ADAMTSL1: variants seen among roughly 807,000 people sequenced by gnomAD.
ADAMTSL1 encodes ADAMTS like 1.
A neutral mutation model predicts 201.8 loss-of-function variants in ADAMTSL1; 126 were observed. The observed-to-expected ratio is 0.62, with a 90% CI of 0.54 to 0.72. The LOEUF (loss-of-function observed/expected upper bound fraction) is 0.72, where lower values mean the gene tolerates loss of function less well. Among genes scored for constraint, ADAMTSL1 ranks in the 30% least tolerant of loss-of-function variants. The probability of loss-of-function intolerance (pLI) is 0.00; values close to 1 mark genes in which losing one functional copy is unlikely to be tolerated. For synonymous variants in ADAMTSL1, 1,121 were observed against 903.4 expected, an observed-to-expected ratio of 1.24 and a Z score of -4.32; for missense variants, 2,679 against 2,277.8, an observed-to-expected ratio of 1.18 and a Z score of -3.59.
chr9:18,113,991 A>T (rs1442155436), intron 1 of ADAMTSL1, among the ~76,000 whole-genome samples: 1 of 152,162 alleles, frequency 6.6e-6, no homozygotes, highest in Non-Finnish European at 1.5e-5. Flanking sequence ...TAAAACACAA[A>T]TGTCATAAAT....
intron 1 of ADAMTSL1, among the ~76,000 whole-genome samples, chr9:18,119,490 C>T (rs889840587): frequency 1.2e-4 from 18 of 151,894 alleles, no homozygotes; most frequent in Admixed American, 3.9e-4. Context: ...TCAGTAGAGA[C>T]GGATTTCACT....
intron 1 of ADAMTSL1, among the ~76,000 whole-genome samples, chr9:17,960,135 G>T (rs1025661175): frequency 6.6e-6 from 1 of 152,082 alleles, no homozygotes; most frequent in Admixed American, 6.6e-5. Context: ...TTCAACACAC[G>T]GTTCCATGTT....
chr9:18,358,218 C>T (rs904385343), intron 2 of ADAMTSL1, among the ~76,000 whole-genome samples: 1 of 152,148 alleles, frequency 6.6e-6, no homozygotes, highest in East Asian at 1.9e-4. Context: ...TAAGGGAGAG[C>T]TTAATGAATG....
At chr9:18,239,239 C>T (rs1403552048) in intron 2 of ADAMTSL1, among the ~76,000 whole-genome samples, 1 of 152,142 alleles carries the variant, frequency 6.6e-6, no homozygotes, top group Non-Finnish European at 1.5e-5. Context: ...TCAGTTTACT[C>T]TCCCTTTTAC....
intron 1 of ADAMTSL1, among the ~76,000 whole-genome samples, chr9:18,074,153 T>G (rs1823090635): frequency 6.6e-6 from 1 of 152,264 alleles, no homozygotes; most frequent in Non-Finnish European, 1.5e-5. Context: ...CTGGTGCAGG[T>G]CTGAGATGCC....
At chr9:18,099,937 T>G (rs114684443) in intron 1 of ADAMTSL1, among the ~76,000 whole-genome samples, 4,252 of 152,210 alleles carry the variant, frequency 0.028, 203 homozygotes, top group African/African-American at 0.097. Context: ...TTTTTCAAAG[T>G]TTCCTCCTTT....
chr9:18,870,242 C>A (rs1408880836), intron 23 of ADAMTSL1, among the ~76,000 whole-genome samples: 1 of 152,170 alleles, frequency 6.6e-6, no homozygotes, highest in Admixed American at 6.6e-5. Context: ...AGCTCTTTTG[C>A]TGAAATATTG....
intron 1 of ADAMTSL1, among the ~76,000 whole-genome samples, chr9:17,968,094 A>C (rs1192540516): frequency 6.6e-6 from 1 of 151,812 alleles, no homozygotes; most frequent in Non-Finnish European, 1.5e-5. Context: ...ATCTTCACTT[A>C]CTCTCTTCCT....
chr9:18,571,460 C>G (rs1822296710), intron 3 of ADAMTSL1, among the ~76,000 whole-genome samples: 1 of 152,168 alleles, frequency 6.6e-6, no homozygotes, highest in African/African-American at 2.4e-5. Context: ...TACTCTACTT[C>G]TTCTGTACTT....
intron 1 of ADAMTSL1, among the ~76,000 whole-genome samples, chr9:17,937,874 A>G (rs894416541): frequency 6.6e-6 from 1 of 152,162 alleles, no homozygotes; most frequent in African/African-American, 2.4e-5. Flanking sequence ...TTTACAATTC[A>G]TGTTTGTTTA....
chr9:18,735,430 G>C (rs530173481), intron 15 of ADAMTSL1, among the ~76,000 whole-genome samples: 5 of 152,246 alleles, frequency 3.3e-5, no homozygotes, highest in African/African-American at 9.6e-5. Flanking sequence ...TATTTCAAAG[G>C]GTTGGTTTTC....
chr9:18,782,556 G>A (rs1347061286), intron 19 of ADAMTSL1, among the ~76,000 whole-genome samples: 1 of 152,038 alleles, frequency 6.6e-6, no homozygotes, highest in Non-Finnish European at 1.5e-5. Flanking sequence ...CCCAGTAACC[G>A]GCACCAAACG....
chr9:18,858,058 A>C (rs1041294635), intron 23 of ADAMTSL1, among the ~76,000 whole-genome samples: 8 of 152,290 alleles, frequency 5.3e-5, no homozygotes, highest in African/African-American at 1.9e-4. Context: ...ATTTAAAAAA[A>C]AAATGCATAT....
chr9:18,694,927 G>A (rs189928731), intron 13 of ADAMTSL1, among the ~76,000 whole-genome samples: 1 of 152,326 alleles, frequency 6.6e-6, no homozygotes, highest in Admixed American at 6.5e-5. Context: ...CTGAAATCTA[G>A]GCAGAGCCTC....
intron 2 of ADAMTSL1, among the ~76,000 whole-genome samples, chr9:18,401,842 A>C (rs1423415027): frequency 6.6e-6 from 1 of 152,176 alleles, no homozygotes; most frequent in African/African-American, 2.4e-5. Flanking sequence ...GCTTCCCCTT[A>C]ATGGAAGCTG....
At chr9:17,940,797 A>G (rs1205784200) in intron 1 of ADAMTSL1, among the ~76,000 whole-genome samples, 1 of 51,450 alleles carries the variant, frequency 1.9e-5, no homozygotes, top group Admixed American at 3.3e-4. Flanking sequence ...ATAAAAGTAA[A>G]TAACACCCCC....
At chr9:18,018,026 C>T (rs546741444) in intron 1 of ADAMTSL1, among the ~76,000 whole-genome samples, 28 of 152,130 alleles carry the variant, frequency 1.8e-4, no homozygotes, top group Middle Eastern at 6.8e-3. Flanking sequence ...AGCTAGTGAC[C>T]TCTTTTGGTA....
chr9:18,259,573 A>G (rs984217613), intron 2 of ADAMTSL1, among the ~76,000 whole-genome samples: 4 of 151,406 alleles, frequency 2.6e-5, no homozygotes, highest in African/African-American at 9.7e-5. Flanking sequence ...CTCAGGTAGT[A>G]CAGCTTACAA....
chr9:18,776,158 T>A (rs538423944), intron 18 of ADAMTSL1, among the ~76,000 whole-genome samples: 81 of 152,248 alleles, frequency 5.3e-4, no homozygotes, highest in African/African-American at 1.6e-3. Context: ...CATACAGAGA[T>A]CTGGAAGCTG....
Sources: allele counts gnomAD v4.1 joint callset (sites outside exome capture counted in the v4.1 genomes callset), GRCh38; gene constraint gnomAD v4.1.1; transcripts MANE v1.5; gene names NCBI Gene and HGNC (gene_info 2026-07-23, HGNC 2026-07-21).